Variants in SKIL observed in about 807,000 individuals in gnomAD.
SKIL encodes ski-like protein.
A neutral mutation model predicts 69.6 loss-of-function variants in SKIL; 20 were observed. The observed-to-expected ratio is 0.29, with a 90% CI of 0.20 to 0.42. The LOEUF (loss-of-function observed/expected upper bound fraction) is 0.42. Among genes scored for constraint, SKIL ranks in the 10% least tolerant of loss-of-function variants. SKIL has a pLI of 1.00. For missense variants in SKIL, 745 were observed against 783.1 expected, an observed-to-expected ratio of 0.95 and a Z score of 0.58; for synonymous variants, 310 against 279.9, an observed-to-expected ratio of 1.11 and a Z score of -1.08.
intron 4 of SKIL, among the ~76,000 whole-genome samples, chr3:170,385,784 T>TTTTC (rs948132861): frequency 6.6e-6 from 1 of 151,774 alleles, no homozygotes; most frequent in Non-Finnish European, 1.5e-5. Flanking sequence ...GGGGGTTTTC[T>TTTTC]TTTCTTTCTT....
intron 2 of SKIL, among the ~76,000 whole-genome samples, chr3:170,376,186 T>C (rs545376121): frequency 6.6e-6 from 1 of 151,780 alleles, no homozygotes; most frequent in South Asian, 2.1e-4. Context: ...TAGCTGGGAT[T>C]ACAGGGATGC....
intron 4 of SKIL, among the ~76,000 whole-genome samples, chr3:170,389,017 G>A (rs138789261): frequency 0.014 from 2,074 of 151,170 alleles, 55 homozygotes; most frequent in African/African-American, 0.048. Context: ...TTACAGGTGC[G>A]CGCCACCATG....
At chr3:170,367,869 A>G (rs529780503) in intron 2 of SKIL, among the ~76,000 whole-genome samples, 1 of 152,350 alleles carries the variant, frequency 6.6e-6, no homozygotes, top group South Asian at 2.1e-4. Context: ...TAGATTACTT[A>G]TGATACAAAC....
chr3:170,381,184 A>G (rs1243621093), intron 2 of SKIL, 60 bp from the exon 3 acceptor site: 2 of 940,046 alleles, frequency 2.1e-6, no homozygotes, highest in Non-Finnish European at 3.5e-6. Flanking sequence ...AGGTTGACAC[A>G]TAAAATTAAC....
rs55652320 is a variant in SKIL, at chr3:170,369,082, ATTTTT to A, written c.1098+7673_1098+7677del. Among the ~76,000 whole-genome samples, 321 of 126,770 alleles carry A rather than the reference ATTTTT, an allele frequency of 2.5e-3. 2 individuals carry two copies. Among genetic ancestry groups the A allele is most frequent in the African/African-American group, 9.1e-3 (306 of 33,526 alleles). 83.2% of individuals were successfully genotyped at this position (126,770 alleles called of 152,430 possible). A position where few individuals can be genotyped will look rare whatever the true frequency, so the allele number is the denominator to read the frequency against. On this transcript the variant is annotated intron_variant, in intron 2 of 6. Transcript: ENST00000259119. ...TATGTGGACCCTCCCTATCCCTGGCATTTTTTTTTTTTTTTTTTTTTTTTGAAATC... is the reference window on the plus strand; with the variant it reads ...TATGTGGACCCTCCCTATCCCTGGCATTTTTTTTTTTTTTTTTTTGAAATC...
chr3:170,384,428 G>T, intron 3 of SKIL, 105 bp from the exon 4 acceptor site: 7 of 572,982 alleles, frequency 1.2e-5, no homozygotes, highest in South Asian at 5.3e-5. Context: ...GTCTGTTTTG[G>T]TTAGAAAAAA....
At chr3:170,368,685 T>A (rs1237979316) in intron 2 of SKIL, among the ~76,000 whole-genome samples, 1 of 152,212 alleles carries the variant, frequency 6.6e-6, no homozygotes, top group Non-Finnish European at 1.5e-5. Context: ...ACAAACAAGA[T>A]AACTGAATGT....
At chr3:170,388,868 T>C (rs867365139) in intron 4 of SKIL, among the ~76,000 whole-genome samples, 1 of 135,562 alleles carries the variant, frequency 7.4e-6, no homozygotes, top group South Asian at 2.2e-4. Flanking sequence ...ATGTATTTAT[T>C]TATTTATTTA....
intron 5 of SKIL, 105 bp from the exon 6 acceptor site, chr3:170,390,931 T>C: frequency 4.6e-6 from 3 of 645,226 alleles, no homozygotes; most frequent in Non-Finnish European, 8.2e-6. Context: ...GAACTGATAA[T>C]GATAGCTGAA....
At position 170,378,885 on chromosome 3, in the gene SKIL, T is replaced by A. The variant is rs144692635; in HGVS notation, c.1099-2359T>A. ...TATTTATTTATTTATTTATTTATTT[T>A]TTTTATCTTGAGATGGATTCTGGCT... On this transcript the variant is annotated intron_variant, in intron 2 of 6. Transcript: ENST00000259119. Among the ~76,000 whole-genome samples the A allele has an allele frequency of 5.1e-3, 747 of 145,130 alleles. 6 individuals are homozygous for A. The highest frequency in any genetic ancestry group is 0.02 in the African/African-American group (703 of 35,662).
Position 170,360,383 on chromosome 3 carries a change from CTGAA to C in SKIL, c.55_58del (p.Asn19GlyfsTer13), listed in dbSNP as rs1736162575. 6.2e-7 allele frequency: 1 copy of C among 1,600,946 alleles called. No homozygotes were observed. On this transcript the variant is annotated frameshift_variant, in exon 2 of 7. Transcript: ENST00000259119. LOFTEE classifies it high-confidence loss of function. ...CTTGGTTCAGGGCTCAACTAAAAAA[CTGAA>C]TGGGATGGGAGATGATGGCAGCCCC...
chr3:170,372,567 A>G (rs1736844396), intron 2 of SKIL, among the ~76,000 whole-genome samples: 1 of 152,222 alleles, frequency 6.6e-6, no homozygotes, highest in African/African-American at 2.4e-5. Context: ...TTGAAACACT[A>G]ACTCACAACA....
chr3:170,366,696 G>C (rs111623117), intron 2 of SKIL, among the ~76,000 whole-genome samples: 2,777 of 147,664 alleles, frequency 0.019, 54 homozygotes, highest in East Asian at 0.092. Flanking sequence ...CACACACACA[G>C]ACACACACAC....
chr3:170,394,115 A>ATTTTTTTTTT lies in SKIL; in HGVS notation c.*1720_*1729dup, dbSNP rs559327626. On this transcript the variant is annotated 3_prime_UTR_variant, in exon 7 of 7. Transcript: ENST00000259119. Reference sequence around the variant, plus strand: ...ATATTAAAATGACATGTAGAAACAAATTTTTTTTTTTTTTTTTTTTTTTTT... The same window carrying ATTTTTTTTTT: ...ATATTAAAATGACATGTAGAAACAAATTTTTTTTTTTTTTTTTTTTTTTTTTTTTTTTTTT... 2.7e-5 allele frequency: 2 copies of ATTTTTTTTTT among 74,324 alleles called. No individual in the cohort carries two copies. Among genetic ancestry groups the ATTTTTTTTTT allele is most frequent in the African/African-American group, 1.0e-4 (2 of 19,300 alleles). 4.6% of individuals were successfully genotyped at this position (74,324 alleles called of 1,614,324 possible).
At chr3:170,366,844 A>G (rs1736554002) in intron 2 of SKIL, among the ~76,000 whole-genome samples, 1 of 152,240 alleles carries the variant, frequency 6.6e-6, no homozygotes, top group Non-Finnish European at 1.5e-5. Context: ...ACATGCAAAC[A>G]TCACATTCCT....
intron 2 of SKIL, 109 bp from the exon 3 acceptor site, chr3:170,381,135 C>G: frequency 1.5e-6 from 1 of 674,822 alleles, no homozygotes; most frequent in Non-Finnish European, 2.7e-6. Context: ...CATGATGACT[C>G]TTAAATAATG....
chr3:170,371,948 A>G (rs569473031), intron 2 of SKIL, among the ~76,000 whole-genome samples: 2 of 152,256 alleles, frequency 1.3e-5, no homozygotes, highest in Non-Finnish European at 2.9e-5. Context: ...GCCAGTTTAC[A>G]TTATTTGAAG....
At chr3:170,388,848 ATATT>A (rs1246283351) in intron 4 of SKIL, among the ~76,000 whole-genome samples, 1 of 140,638 alleles carries the variant, frequency 7.1e-6, no homozygotes, top group Non-Finnish European at 1.5e-5. Flanking sequence ...ATTCCAAGAA[ATATT>A]TATTTATGTA....
intron 2 of SKIL, among the ~76,000 whole-genome samples, chr3:170,374,076 G>A (rs1482832762): frequency 6.6e-6 from 1 of 152,172 alleles, no homozygotes; most frequent in African/African-American, 2.4e-5. Context: ...CTAAAATAGA[G>A]TGGTTCTTCA....
Sources: gnomAD v4.1 joint callset for allele counts (sites outside exome capture counted in the v4.1 genomes callset) on GRCh38, gnomAD v4.1.1 for gene constraint, MANE v1.5 for transcripts, NCBI Gene and HGNC (gene_info 2026-07-23, HGNC 2026-07-21) for gene names.